Variants in IQSEC1 observed in about 807,000 individuals in gnomAD.
IQSEC1 encodes IQ motif and SEC7 domain-containing protein 1.
IQSEC1 carries 31 observed loss-of-function variants against 91.0 expected under a neutral mutation model. That is an observed-to-expected ratio of 0.34 (90% CI 0.26 to 0.46). The LOEUF (loss-of-function observed/expected upper bound fraction) is 0.46. IQSEC1 is among the 20% of genes least tolerant of loss of function. The pLI is 1.00. For synonymous variants in IQSEC1, 699 were observed against 662.6 expected, an observed-to-expected ratio of 1.05 and a Z score of -0.84; for missense variants, 1,388 against 1,575.6, an observed-to-expected ratio of 0.88 and a Z score of 2.02.
chr3:13,273,658 C>T (rs1158956533), intron 1 of IQSEC1, among the ~76,000 whole-genome samples: 1 of 152,206 alleles, frequency 6.6e-6, no homozygotes, highest in Non-Finnish European at 1.5e-5. Context: ...TCTGCAGCAT[C>T]TCCTGAAGCC....
At chr3:12,931,894 G>A (rs1341348735) in intron 3 of IQSEC1, among the ~76,000 whole-genome samples, 1 of 152,218 alleles carries the variant, frequency 6.6e-6, no homozygotes, top group Non-Finnish European at 1.5e-5. Context: ...TCTTAGCCAA[G>A]TAGTCCAACC....
chr3:13,133,219 C>A (rs1268231342), intron 2 of IQSEC1, among the ~76,000 whole-genome samples: 1 of 152,200 alleles, frequency 6.6e-6, no homozygotes, highest in Non-Finnish European at 1.5e-5. Context: ...AGCAGGAGGA[C>A]CCTAACTCGT....
At chr3:12,902,669 C>CAAAAAAAA in intron 13 of IQSEC1, 104 bp downstream of exon 13, 2 of 328,162 alleles carry the variant, frequency 6.1e-6, no homozygotes, top group South Asian at 2.9e-5. Flanking sequence ...AAAAAAAAAA[C>CAAAAAAAA]CAAAAAAAAA....
At position 12,898,172 on chromosome 3, in the gene IQSEC1, C is replaced by T. The variant is rs566398622; in HGVS notation, c.*2811G>A. On this transcript the variant is annotated 3_prime_UTR_variant, in exon 14 of 14. Transcript: ENST00000613206. ...CCCAGGGGATGTGATGACAGGACCC[C>T]GAAGCTGTGGCTCTGACAGGTGGGA... The T allele has an allele frequency of 1.3e-5, 2 of 152,350 alleles. No individual in the cohort carries two copies. The highest frequency in any genetic ancestry group is 4.1e-4 in the South Asian group (2 of 4,824). 9.4% of individuals were successfully genotyped at this position (152,350 alleles called of 1,614,324 possible).
At chr3:12,987,001 T>A (rs1265410780) in intron 1 of IQSEC1, 1 of 444,740 alleles carries the variant, frequency 2.2e-6, no homozygotes, top group Admixed American at 2.4e-5. Context: ...GGGGGCCTCC[T>A]GCCACAAACA....
rs1334459823 is a variant in IQSEC1 at position 12,900,533 on chromosome 3, TA to T, written c.*449del. The T allele has an allele frequency of 6.2e-6, 6 of 966,734 alleles. No homozygotes were observed. The African/African-American group carries it at 8.8e-5, about 14-fold the overall frequency. The allele number at this position is 966,734 out of a possible 1,614,324, so 59.9% of individuals were successfully genotyped here. On this transcript the variant is annotated 3_prime_UTR_variant, in exon 14 of 14. Transcript: ENST00000613206. ...TTTCATCAACCATATCAGGTCTACT[TA>T]TTTTTTTGCCCATTGTCAATAAAAG...
intron 12 of IQSEC1, among the ~76,000 whole-genome samples, chr3:12,907,460 A>T (rs1243556716): frequency 2.0e-5 from 3 of 152,182 alleles, no homozygotes; most frequent in African/African-American, 7.2e-5. Flanking sequence ...AGCCCCAGGC[A>T]GTCCCCGGGG....
At chr3:13,241,331 C>T (rs1469517010) in intron 1 of IQSEC1, among the ~76,000 whole-genome samples, 2 of 152,212 alleles carry the variant, frequency 1.3e-5, no homozygotes, top group Admixed American at 6.5e-5. Context: ...CGAAGGACGA[C>T]CTGGAAATCC....
Position 12,961,215 on chromosome 3 carries a change from A to G in IQSEC1, c.24-19350T>C, listed in dbSNP as rs561358801. 4.6e-5 allele frequency among the ~76,000 whole-genome samples: 7 copies of G among 152,346 alleles called. No homozygotes were observed. The East Asian group carries it at 5.8e-4, about 13-fold the overall frequency. ...GCCCAAAGCCTCAGAAGCTCAGCAC[A>G]GGCCACCAGCTGAGGGCTCCAGACG... On this transcript the variant is annotated intron_variant, in intron 1 of 13. Transcript: ENST00000613206.
At chr3:13,112,454 T>C (rs1413635723) in intron 2 of IQSEC1, among the ~76,000 whole-genome samples, 2 of 152,194 alleles carry the variant, frequency 1.3e-5, no homozygotes, top group Non-Finnish European at 2.9e-5. Flanking sequence ...GCGCTCACTC[T>C]CAGTGAGAGG....
At chr3:13,038,718 G>T (rs1040861822) in intron 1 of IQSEC1, among the ~76,000 whole-genome samples, 57 of 152,220 alleles carry the variant, frequency 3.7e-4, no homozygotes, top group African/African-American at 1.4e-3. Context: ...CAATGTCGGG[G>T]GAAAGAATGT....
At position 12,953,728 on chromosome 3, in the gene IQSEC1, T is replaced by C. The variant is rs542295786; in HGVS notation, c.24-11863A>G. On this transcript the variant is annotated intron_variant, in intron 1 of 13. Transcript: ENST00000613206. ...ACTGCCCCTGCCCTCTGGTCCCGAA[T>C]GCTCTGTACAGCTCCGTCAGGCATC... 5.3e-5 allele frequency among the ~76,000 whole-genome samples: 8 copies of C among 152,340 alleles called. No individual in the cohort carries two copies. The East Asian group carries it at 1.5e-3, about 29-fold the overall frequency.
intron 1 of IQSEC1, among the ~76,000 whole-genome samples, chr3:13,003,035 T>C (rs752983204): frequency 2.6e-5 from 4 of 152,104 alleles, no homozygotes; most frequent in Non-Finnish European, 5.9e-5. Context: ...CAAATATCCA[T>C]AGTAGTAGTA....
At chr3:12,907,292 C>T (rs1289551009) in intron 12 of IQSEC1, among the ~76,000 whole-genome samples, 2 of 152,198 alleles carry the variant, frequency 1.3e-5, no homozygotes, top group South Asian at 4.1e-4. Flanking sequence ...CTGAGAGGGA[C>T]TAAGCTGAGG....
In IQSEC1 at chr3:12,994,512, G is replaced by A. The variant is rs1702144758; in HGVS notation, c.24-52647C>T. Among the ~76,000 whole-genome samples the A allele has an allele frequency of 6.6e-6, 1 of 152,070 alleles. No individual in the cohort carries two copies. The highest frequency in any genetic ancestry group is 1.5e-5 in the Non-Finnish European group (1 of 67,998). On this transcript the variant is annotated intron_variant, in intron 1 of 13. Coordinates refer to ENST00000613206, the MANE Select transcript of IQSEC1 (RefSeq NM_001134382.3). This position sits in a 1 kb window ranked among gnomAD's most constrained non-coding sequence, Gnocchi z 4.5. Reference sequence around the variant, plus strand: ...CGGAACCGGGGGCACTGCGACCCCCGGCATTTCCCTCAGACTACCCCAGAC... The same window carrying A: ...CGGAACCGGGGGCACTGCGACCCCCAGCATTTCCCTCAGACTACCCCAGAC...
intron 1 of IQSEC1, among the ~76,000 whole-genome samples, chr3:12,965,087 C>A (rs2125506625): frequency 6.6e-6 from 1 of 152,338 alleles, no homozygotes; most frequent in African/African-American, 2.4e-5. Context: ...TGGGGTTCTC[C>A]TGTAGGCTCC....
intron 1 of IQSEC1, among the ~76,000 whole-genome samples, chr3:13,182,642 A>T (rs945320500): frequency 6.6e-6 from 1 of 152,214 alleles, no homozygotes; most frequent in Non-Finnish European, 1.5e-5. Flanking sequence ...GGGACAAAAA[A>T]CAAACCTTAA....
At chr3:13,143,112 G>C (rs942178629) in intron 2 of IQSEC1, among the ~76,000 whole-genome samples, 6 of 152,180 alleles carry the variant, frequency 3.9e-5, no homozygotes, top group African/African-American at 1.4e-4. Flanking sequence ...CGATGTGTCT[G>C]TGCACTCCCT....
intron 1 of IQSEC1, among the ~76,000 whole-genome samples, chr3:13,035,487 A>G (rs961910928): frequency 6.6e-6 from 1 of 152,160 alleles, no homozygotes; most frequent in Admixed American, 6.5e-5. Context: ...CTCTTGAATA[A>G]TCACCACACT....
Sources: allele counts gnomAD v4.1 joint callset (sites outside exome capture counted in the v4.1 genomes callset), GRCh38; gene constraint gnomAD v4.1.1; non-coding constraint Gnocchi (gnomAD v3.1); transcripts MANE v1.5; gene names NCBI Gene and HGNC (gene_info 2026-07-23, HGNC 2026-07-21).